The following ERBB2 variants were observed in gnomAD, a reference collection of about 807,000 sequenced individuals.
ERBB2 encodes erb-b2 receptor tyrosine kinase 2.
Under a neutral mutation model 149.0 loss-of-function variants are expected in ERBB2, and 61 were observed. The ratio of observed to expected loss-of-function variants is 0.41; its 90% CI spans 0.33 to 0.51. The LOEUF is 0.51. Among genes scored for constraint, ERBB2 ranks in the 20% least tolerant of loss-of-function variants. ERBB2 has a pLI of 0.25. For missense variants in ERBB2, 1,205 were observed against 1,655.1 expected, an observed-to-expected ratio of 0.73 and a Z score of 4.72; for synonymous variants, 633 against 678.8, an observed-to-expected ratio of 0.93 and a Z score of 1.05.
In ERBB2 at chr17:39,700,184, C is replaced by G. The variant is rs1436139104; in HGVS notation, c.-55C>G. 7.3e-7 allele frequency: 1 copy of G among 1,367,408 alleles called. No homozygotes were observed. The highest frequency in any genetic ancestry group is 9.4e-7 in the Non-Finnish European group (1 of 1,066,986). The allele number at this position is 1,367,408 out of a possible 1,614,324, so 84.7% of individuals were successfully genotyped here. A position where few individuals can be genotyped will look rare whatever the true frequency, so the allele number is the denominator to read the frequency against. ...ACCCCTCGCAGCACCCCGCGCCCCG[C>G]GCCCTCCCAGCCGGGTCCAGCCGGA... On this transcript the variant is annotated 5_prime_UTR_variant, in exon 1 of 27. Coordinates refer to ENST00000269571, the MANE Select transcript of ERBB2 (RefSeq NM_004448.4).
At position 39,726,967 on chromosome 17, in the gene ERBB2, C is replaced by T. The variant is rs1461498927; in HGVS notation, c.3123C>T (p.Gly1041=). Residue 1041 remains glycine (G), a synonymous_variant, in exon 25 of 27, where the codon GGC becomes GGT. Transcript: ENST00000269571. This position sits in a 1 kb window ranked among gnomAD's most constrained non-coding sequence, Gnocchi z 5.1. ...FCPDPAPGAG[G]MVHHRHRSSS... ...CAGACCCTGCCCCGGGCGCTGGGGGCATGGTCCACCACAGGCACCGCAGCT... is the reference window on the plus strand; with the variant it reads ...CAGACCCTGCCCCGGGCGCTGGGGGTATGGTCCACCACAGGCACCGCAGCT... 1.2e-6 allele frequency: 2 copies of T among 1,609,656 alleles called. No individual in the cohort carries two copies. The highest frequency in any genetic ancestry group is 1.3e-5 in the African/African-American group (1 of 74,810).
At chr17:39,722,347 A>T (rs995221580) in intron 16 of ERBB2, among the ~76,000 whole-genome samples, 2 of 152,070 alleles carry the variant, frequency 1.3e-5, no homozygotes, top group Admixed American at 1.3e-4. Flanking sequence ...TACAAAAAAT[A>T]AAAAAACTAG....
At chr17:39,694,284 T>A (rs879410603), upstream of ERBB2, among the ~76,000 whole-genome samples, 2 of 45,004 alleles carry the variant, frequency 4.4e-5, no homozygotes, top group Non-Finnish European at 1.2e-4. Flanking sequence ...TATATATATA[T>A]ATATACACAT....
rs2145709298 is a variant in ERBB2, at chr17:39,717,398, C to G, written c.1816C>G (p.Pro606Ala). 6.2e-7 allele frequency: 1 copy of G among 1,613,120 alleles called. No individual in the cohort carries two copies. The highest frequency in any genetic ancestry group is 8.5e-7 in the Non-Finnish European group (1 of 1,179,984). ...CVARCPSGVK[P>A]DLSYMPIWKF... ...GGCCCGCTGCCCCAGCGGTGTGAAA[C>G]CTGACCTCTCCTACATGCCCATCTG... The change falls in exon 15 of 27, where the codon CCT becomes GCT. Residue 606 changes from proline (P) to alanine (A), a missense_variant. Coordinates refer to ENST00000269571, the MANE Select transcript of ERBB2 (RefSeq NM_004448.4).
At chr17:39,717,048 A>G (rs2059173650) in intron 14 of ERBB2, 1 of 462,330 alleles carries the variant, frequency 2.2e-6, no homozygotes, top group Non-Finnish European at 3.9e-6. Flanking sequence ...GACTGTTGTT[A>G]CTCGCTGTTA....
In ERBB2 at chr17:39,712,359, G is replaced by A. The variant is rs2145576497; in HGVS notation, c.1059G>A (p.Val353=). Residue 353 remains valine (V), a synonymous_variant, in exon 9 of 27, where the codon GTG becomes GTA. Coordinates refer to ENST00000269571, the MANE Select transcript of ERBB2 (RefSeq NM_004448.4). ...TGGGCATGGAGCACTTGCGAGAGGT[G>A]AGGGCAGTTACCAGTGCCAATATCC... ...YGLGMEHLRE[V]RAVTSANIQE... is the part of the protein sequence containing the mutation. 1.2e-6 allele frequency: 2 copies of A among 1,613,992 alleles called. No individual in the cohort carries two copies. The highest frequency in any genetic ancestry group is 1.7e-6 in the Non-Finnish European group (2 of 1,179,978).
chr17:39,717,932 G>A (rs987789648), intron 15 of ERBB2, among the ~76,000 whole-genome samples: 2 of 151,984 alleles, frequency 1.3e-5, no homozygotes, highest in Admixed American at 6.6e-5. Context: ...TCCTGCTTCC[G>A]CCTCCTGAGT....
chr17:39,694,226 AATATATATATAT>A (rs1417710622), upstream of ERBB2, among the ~76,000 whole-genome samples: 103 of 18,510 alleles, frequency 5.6e-3, 1 homozygote, highest in African/African-American at 0.015. Context: ...AAAAAAAAAA[AATATATATATAT>A]ATATATATAT....
chr17:39,709,481 TCTCTC>T (rs1186144725), intron 4 of ERBB2, 29 bp downstream of exon 4: 3 of 1,612,692 alleles, frequency 1.9e-6, no homozygotes, highest in Non-Finnish European at 2.5e-6. Flanking sequence ...TGCTGCCTCT[TCTCTC>T]AGACAGCCTG....
upstream of ERBB2, among the ~76,000 whole-genome samples, chr17:39,695,704 TACAC>T (rs56249643): frequency 0.13 from 12,545 of 96,446 alleles, 728 homozygotes; most frequent in Non-Finnish European, 0.14. Flanking sequence ...GGTGCATGCA[TACAC>T]ACACACACAC....
At position 39,706,741 on chromosome 17, in the gene ERBB2, C is replaced by T. The variant is rs1424417217; in HGVS notation, c.74-249C>T. On this transcript the variant is annotated intron_variant, in intron 1 of 26. Coordinates refer to ENST00000269571, the MANE Select transcript of ERBB2 (RefSeq NM_004448.4). The stretch of plus-strand genomic sequence containing the variant: ...GCTCCCCAGGGCTGGCACGCTGGGG[C>T]AGCCTCTGAATGCACAGGGTGGGCC... 5 of 361,104 alleles carry T rather than the reference C, an allele frequency of 1.4e-5. No individual in the cohort carries two copies. In the East Asian group the frequency reaches 2.0e-4, roughly 15 times the overall value. The allele number at this position is 361,104 out of a possible 1,614,324, so 22.4% of individuals were successfully genotyped here.
intron 12 of ERBB2, 91 bp from the exon 13 acceptor site, chr17:39,716,210 C>G (rs2145668794): frequency 7.1e-7 from 1 of 1,412,194 alleles, no homozygotes; most frequent in Non-Finnish European, 9.5e-7. Flanking sequence ...ACCCCTCCAG[C>G]CCACAGCCAT....
At chr17:39,689,075 C>G (rs764281481) in intron 2 of ERBB2, among the ~76,000 whole-genome samples, 1 of 152,172 alleles carries the variant, frequency 6.6e-6, no homozygotes, top group Non-Finnish European at 1.5e-5. Flanking sequence ...TTCTCCTCCC[C>G]CACTCTCCTC....
chr17:39,702,269 A>C lies in ERBB2; in HGVS notation c.73+1958A>C, dbSNP rs372604713. On this transcript the variant is annotated intron_variant, in intron 1 of 26. Transcript: ENST00000269571. The stretch of plus-strand genomic sequence containing the variant: ...TGAGCTGTGATTGCAAATGCTCTCC[A>C]GCCTGGGTGACAGTGTGAGACTCCG... 1.4e-3 allele frequency among the ~76,000 whole-genome samples: 206 copies of C among 152,336 alleles called. No homozygotes were observed. The South Asian group carries it at 0.015, about 11-fold the overall frequency.
At chr17:39,716,704 G>A (rs1436220660) in intron 14 of ERBB2, 99 bp downstream of exon 14, 2 of 1,076,760 alleles carry the variant, frequency 1.9e-6, no homozygotes, top group Non-Finnish European at 2.8e-6. Context: ...TGTGCTATCT[G>A]GTAAAATATC....
At chr17:39,704,353 A>G (rs1011312440) in intron 1 of ERBB2, among the ~76,000 whole-genome samples, 2 of 152,126 alleles carry the variant, frequency 1.3e-5, no homozygotes, top group African/African-American at 4.8e-5. Context: ...AGACGGGCGG[A>G]TCACAAGGTC....
At position 39,726,902 on chromosome 17, in the gene ERBB2, G is replaced by T. The variant is rs1458294024; in HGVS notation, c.3058G>T (p.Ala1020Ser). ...CGATGACATGGGGGACCTGGTGGAT[G>T]CTGAGGAGTATCTGGTACCCCAGCA... Reference protein sequence around the residue: ...EDDDMGDLVDAEEYLVPQQGF... With the variant: ...EDDDMGDLVDSEEYLVPQQGF... The change falls in exon 25 of 27, where the codon GCT becomes TCT. Residue 1020 changes from alanine (A) to serine (S), a missense_variant. Physicochemically the swap from Ala to Ser is moderately conservative, Grantham distance 99 (BLOSUM62 1). Around this residue, in one of 6 missense-constraint regions of ERBB2, gnomAD observed 312 missense variants for 343.8 expected, o/e 0.91. Coordinates refer to ENST00000269571, the MANE Select transcript of ERBB2 (RefSeq NM_004448.4). The surrounding 1 kb of genome is among the most constrained non-coding windows in gnomAD (Gnocchi z 5.1). The T allele has an allele frequency of 6.2e-6, 10 of 1,613,890 alleles. No individual in the cohort carries two copies. The highest frequency in any genetic ancestry group is 1.3e-5 in the African/African-American group (1 of 74,920).
chr17:39,701,034 T>TG (rs947518880), intron 1 of ERBB2, among the ~76,000 whole-genome samples: 11 of 149,488 alleles, frequency 7.4e-5, no homozygotes, highest in Non-Finnish European at 3.0e-5. Flanking sequence ...GTGGGTTTCT[T>TG]GGGGTGTAAA....
In ERBB2 at chr17:39,725,705, AG is replaced by A; in HGVS notation, c.2726del. On this transcript the variant is annotated splice_acceptor_variant, in intron 22 of 26. Coordinates refer to ENST00000269571, the MANE Select transcript of ERBB2 (RefSeq NM_004448.4). LOFTEE classifies it high-confidence loss of function. The surrounding 1 kb of genome is among the most constrained non-coding windows in gnomAD (Gnocchi z 4.6). The stretch of plus-strand genomic sequence containing the variant: ...CCACTCCTGACCCTGTCTCTGCCTT[AG>A]GTGTGACTGTGTGGGAGCTGATGAC... The A allele has an allele frequency of 6.2e-7, 1 of 1,610,712 alleles. No individual in the cohort carries two copies. Among genetic ancestry groups the A allele is most frequent in the Non-Finnish European group, 8.5e-7 (1 of 1,178,404 alleles).
Sources: gnomAD v4.1 joint callset for allele counts (sites outside exome capture counted in the v4.1 genomes callset) on GRCh38, gnomAD v4.1.1 for gene constraint, gnomAD v4.1.1 regional missense constraint, Gnocchi (gnomAD v3.1) non-coding constraint, MANE v1.5 for transcripts, NCBI Gene and HGNC (gene_info 2026-07-23, HGNC 2026-07-21) for gene names.